PHF24: variants seen among roughly 807,000 people sequenced by gnomAD.
The protein encoded by PHF24 is Galpha inhibitory interacting protein.
PHF24 carries 25 observed loss-of-function variants against 42.6 expected under a neutral mutation model. That is an observed-to-expected ratio of 0.59 (90% CI 0.43 to 0.82). PHF24 has a LOEUF of 0.82. Among genes scored for constraint, PHF24 ranks in the 40% least tolerant of loss-of-function variants. The pLI is 0.00. For synonymous variants in PHF24, 185 were observed against 204.8 expected (o/e 0.90, Z 0.83); for missense variants, 470 against 538.1 (o/e 0.87, Z 1.25).
the PHF24 span, among the ~76,000 whole-genome samples, chr9:34,879,404 A>G: frequency 6.6e-6 from 1 of 152,172 alleles, no homozygotes; most frequent in Non-Finnish European, 1.5e-5. Flanking sequence ...ATAGGTAATA[A>G]CAAACTTCTC....
upstream of PHF24, among the ~76,000 whole-genome samples, chr9:34,956,266 TTGTG>T (rs960320624): frequency 6.6e-6 from 1 of 151,754 alleles, no homozygotes; most frequent in Non-Finnish European, 1.5e-5. Context: ...CAATGTACTT[TTGTG>T]TGTGTGTGTG....
At chr9:34,687,983 G>A in the PHF24 span, among the ~76,000 whole-genome samples, 137 of 152,248 alleles carry the variant, frequency 9.0e-4, no homozygotes, top group East Asian at 0.022. Flanking sequence ...GAATGGATGG[G>A]TTATTGCAGC....
the PHF24 span, among the ~76,000 whole-genome samples, chr9:34,872,951 T>C: frequency 6.6e-6 from 1 of 151,320 alleles, no homozygotes; most frequent in African/African-American, 2.4e-5. Context: ...ATTTCTCTGA[T>C]GGCCAGTGAT....
At chr9:34,931,375 C>CAAAAA in the PHF24 span, among the ~76,000 whole-genome samples, 46 of 82,854 alleles carry the variant, frequency 5.6e-4, 1 homozygote, top group East Asian at 1.2e-3. Flanking sequence ...GACTCTGTAT[C>CAAAAA]AAAAAAAAAA....
At chr9:34,693,795 A>T in the PHF24 span, among the ~76,000 whole-genome samples, 6,722 of 152,254 alleles carry the variant, frequency 0.044, 229 homozygotes, top group South Asian at 0.065. Context: ...TGTTTATCAG[A>T]GATCTTTGTT....
At chr9:34,945,625 C>T in the PHF24 span, among the ~76,000 whole-genome samples, 1 of 152,154 alleles carries the variant, frequency 6.6e-6, no homozygotes, top group African/African-American at 2.4e-5. Flanking sequence ...AGTGGATTCA[C>T]TGTCATAGGA....
the PHF24 span, among the ~76,000 whole-genome samples, chr9:34,948,195 ATG>A: frequency 6.6e-6 from 1 of 151,676 alleles, no homozygotes; most frequent in African/African-American, 2.4e-5. Context: ...CAGCTGTACA[ATG>A]TGTGTTTCAA....
chr9:34,941,527 G>A, the PHF24 span, among the ~76,000 whole-genome samples: 21,798 of 152,180 alleles, frequency 0.14, 1,951 homozygotes, highest in East Asian at 0.47. Flanking sequence ...TTCTAAGGAT[G>A]AACCACTGGC....
the PHF24 span, chr9:34,922,561 T>C: frequency 2.1e-6 from 2 of 974,700 alleles, no homozygotes; most frequent in South Asian, 2.6e-5. Flanking sequence ...TCTCCTTTCA[T>C]TTTCAAATAG....
At chr9:34,690,040 G>C in the PHF24 span, 1 of 1,611,616 alleles carries the variant, frequency 6.2e-7, no homozygotes, top group South Asian at 1.1e-5. Flanking sequence ...TGAGAGGCCG[G>C]AGAGAATGGA....
chr9:34,680,332 A>G, the PHF24 span, among the ~76,000 whole-genome samples: 9 of 148,174 alleles, frequency 6.1e-5, no homozygotes, highest in South Asian at 2.2e-4. Flanking sequence ...CCGAGATCGC[A>G]CCACTGCACT....
chr9:34,912,283 T>C, the PHF24 span, among the ~76,000 whole-genome samples: 1 of 152,132 alleles, frequency 6.6e-6, no homozygotes, highest in Admixed American at 6.5e-5. Flanking sequence ...CTCTCTTTTC[T>C]CTAACTACCT....
chr9:34,839,805 T>G, the PHF24 span, among the ~76,000 whole-genome samples: 1 of 152,236 alleles, frequency 6.6e-6, no homozygotes, highest in Non-Finnish European at 1.5e-5. Context: ...CAATGGCTTA[T>G]TTCAAATAAT....
chr9:34,695,066 G>A, the PHF24 span, among the ~76,000 whole-genome samples: 1 of 152,208 alleles, frequency 6.6e-6, no homozygotes, highest in Non-Finnish European at 1.5e-5. Flanking sequence ...GCCTCTGGAT[G>A]GGAGCTAGTC....
chr9:34,780,588 A>G, the PHF24 span, among the ~76,000 whole-genome samples: 1 of 152,148 alleles, frequency 6.6e-6, no homozygotes, highest in South Asian at 2.1e-4. Context: ...CCTAGCTGGC[A>G]ATAGTTTCTT....
the PHF24 span, chr9:34,922,379 A>T: frequency 6.8e-7 from 1 of 1,460,052 alleles, no homozygotes; most frequent in East Asian, 2.3e-5. Flanking sequence ...GGGAATTCAG[A>T]ACGTCATAAT....
At chr9:34,825,443 GCCTAGA>G in the PHF24 span, among the ~76,000 whole-genome samples, 1 of 152,160 alleles carries the variant, frequency 6.6e-6, no homozygotes, top group Non-Finnish European at 1.5e-5. Context: ...GTCTGAGGTA[GCCTAGA>G]GGATTTATGG....
the PHF24 span, chr9:34,709,921 G>C: frequency 6.2e-7 from 1 of 1,614,172 alleles, no homozygotes; most frequent in South Asian, 1.1e-5. Context: ...TTCACAGGGA[G>C]CCAGGGGCTG....
chr9:34,690,947 C>A, the PHF24 span: 4 of 675,104 alleles, frequency 5.9e-6, no homozygotes, highest in Non-Finnish European at 7.5e-6. Context: ...CAGGGACCTG[C>A]CAGGCTCACC....
Sources: allele counts gnomAD v4.1 joint callset (sites outside exome capture counted in the v4.1 genomes callset), GRCh38; gene constraint gnomAD v4.1.1; transcripts MANE v1.5; gene names NCBI Gene and HGNC (gene_info 2026-07-23, HGNC 2026-07-21).